Variants in PTPRN2 observed in about 807,000 individuals in gnomAD.
The protein encoded by PTPRN2 is receptor-type tyrosine-protein phosphatase N2.
A neutral mutation model predicts 118.8 loss-of-function variants in PTPRN2; 74 were observed. That is an observed-to-expected ratio of 0.62 (90% CI 0.52 to 0.76). The LOEUF (loss-of-function observed/expected upper bound fraction) is 0.76. Among genes scored for constraint, PTPRN2 ranks in the 30% least tolerant of loss-of-function variants. The pLI, the probability that PTPRN2 is intolerant of heterozygous loss-of-function variation, is 0.00. For missense variants in PTPRN2, 1,481 were observed against 1,394.4 expected (o/e 1.06, Z -0.99); for synonymous variants, 641 against 608.0 (o/e 1.05, Z -0.80).
Position 157,763,110 on chromosome 7 carries a change from G to A in PTPRN2, c.1789-80173C>T, listed in dbSNP as rs115550848. ...CACAGAGCTAACCATCAGAGCCCAC[G>A]GCCGCCCACTCATGGTCGGTCACAG... On this transcript the variant is annotated intron_variant, in intron 12 of 22. Coordinates refer to ENST00000389418, the MANE Select transcript of PTPRN2 (RefSeq NM_002847.5). The surrounding 1 kb of genome is among the most constrained non-coding windows in gnomAD (Gnocchi z 4.9). 0.027 allele frequency among the ~76,000 whole-genome samples: 3,572 copies of A among 130,854 alleles called. 77 individuals carry two copies. The highest frequency in any genetic ancestry group is 0.065 in the African/African-American group (2,135 of 32,788). 85.8% of individuals were successfully genotyped at this position (130,854 alleles called of 152,430 possible). A position where few individuals can be genotyped will look rare whatever the true frequency, so the allele number is the denominator to read the frequency against.
chr7:158,083,211 A>G (rs2335486), intron 10 of PTPRN2, among the ~76,000 whole-genome samples: 126,646 of 152,126 alleles, frequency 0.83, 53,284 homozygotes, highest in East Asian at 1. Flanking sequence ...GGCTCTTTGA[A>G]GCATGCATGA....
chr7:157,550,373 C>CGGGGAGGCCT lies in PTPRN2; in HGVS notation c.2903-1364_2903-1355dup, dbSNP rs1420809141. Among the ~76,000 whole-genome samples the CGGGGAGGCCT allele has an allele frequency of 3.2e-4, 49 of 152,216 alleles. No homozygotes were observed. The highest frequency in any genetic ancestry group is 6.6e-4 in the Non-Finnish European group (45 of 68,002). On this transcript the variant is annotated intron_variant, in intron 21 of 22. Coordinates refer to ENST00000389418, the MANE Select transcript of PTPRN2 (RefSeq NM_002847.5). This position sits in a 1 kb window ranked among gnomAD's most constrained non-coding sequence, Gnocchi z 5.2. The stretch of plus-strand genomic sequence containing the variant: ...AGCTAGGAGGGAACGGCAGGGGTGG[C>CGGGGAGGCCT]GGGGAGGCCTGGGGAGGACACACGT...
At chr7:157,911,299 T>C (rs1798093492) in intron 11 of PTPRN2, among the ~76,000 whole-genome samples, 2 of 152,058 alleles carry the variant, frequency 1.3e-5, no homozygotes, top group Admixed American at 1.3e-4. Context: ...CCCTTAGAGA[T>C]TTACCACGAT....
At chr7:158,136,057 G>A (rs1349344737) in intron 8 of PTPRN2, among the ~76,000 whole-genome samples, 4 of 152,230 alleles carry the variant, frequency 2.6e-5, no homozygotes, top group Non-Finnish European at 5.9e-5. Flanking sequence ...TCTTCTGACT[G>A]CCTCCGGAGC....
At position 157,869,264 on chromosome 7, in the gene PTPRN2, A is replaced by G. The variant is rs1231178522; in HGVS notation, c.1788+29409T>C. ...GGTAGGGCCTTGGAGGCCTGCTGGG[A>G]GGTCTGTGGACTCCAGGCCGCTCAC... On this transcript the variant is annotated intron_variant, in intron 12 of 22. Transcript: ENST00000389418. This position sits in a 1 kb window ranked among gnomAD's most constrained non-coding sequence, Gnocchi z 4.2. 6.6e-6 allele frequency: 1 copy of G among 152,146 alleles called. No individual in the cohort carries two copies. The highest frequency in any genetic ancestry group is 1.5e-5 in the Non-Finnish European group (1 of 68,020). 9.4% of individuals were successfully genotyped at this position (152,146 alleles called of 1,614,324 possible).
intron 15 of PTPRN2, among the ~76,000 whole-genome samples, chr7:157,612,368 A>G (rs1802409699): frequency 6.6e-6 from 1 of 152,190 alleles, no homozygotes; most frequent in South Asian, 2.1e-4. Context: ...CTGATGACGA[A>G]TCTCGTCTGT....
intron 5 of PTPRN2, among the ~76,000 whole-genome samples, chr7:158,167,767 T>G (rs1823165136): frequency 6.6e-6 from 1 of 152,228 alleles, no homozygotes; most frequent in East Asian, 1.9e-4. Flanking sequence ...GTGGCATCTG[T>G]GCCTGGCTCA....
intron 1 of PTPRN2, among the ~76,000 whole-genome samples, chr7:158,501,523 G>A (rs1822361053): frequency 6.6e-6 from 1 of 152,180 alleles, no homozygotes. Context: ...CTGCCTTCTT[G>A]TGAATCTTCC....
chr7:157,911,231 A>G (rs905676366), intron 11 of PTPRN2, among the ~76,000 whole-genome samples: 2 of 152,208 alleles, frequency 1.3e-5, no homozygotes, highest in African/African-American at 4.8e-5. Context: ...CCCCATGGAG[A>G]AACGTCTGCA....
intron 11 of PTPRN2, among the ~76,000 whole-genome samples, chr7:157,911,729 A>G (rs927323743): frequency 3.9e-5 from 6 of 152,236 alleles, no homozygotes; most frequent in African/African-American, 1.4e-4. Flanking sequence ...ATCAAAGCTA[A>G]TAACTTTCAT....
intron 2 of PTPRN2, among the ~76,000 whole-genome samples, chr7:158,418,219 A>G (rs1022507676): frequency 6.0e-5 from 9 of 149,732 alleles, no homozygotes; most frequent in African/African-American, 2.2e-4. Flanking sequence ...GGTGTACTAC[A>G]TCGAGATGCT....
chr7:158,471,993 CCGCCACGGTTCCGGCCT>C (rs1323478921), intron 2 of PTPRN2, among the ~76,000 whole-genome samples: 2 of 151,878 alleles, frequency 1.3e-5, no homozygotes, highest in African/African-American at 2.4e-5. Context: ...GGTTCCGGCC[CCGCCACGGTTCCGGCCT>C]CGCCACGGTT....
chr7:158,416,144 G>A (rs1402481802), intron 2 of PTPRN2, among the ~76,000 whole-genome samples: 1 of 152,182 alleles, frequency 6.6e-6, no homozygotes, highest in Non-Finnish European at 1.5e-5. Flanking sequence ...TTCCACACAG[G>A]TGCCTTCCCT....
chr7:157,679,677 C>T (rs1317779204), intron 13 of PTPRN2, among the ~76,000 whole-genome samples: 1 of 152,116 alleles, frequency 6.6e-6, no homozygotes, highest in Non-Finnish European at 1.5e-5. Context: ...CCTGTGGTCC[C>T]AAGCCCAGGC....
Position 157,567,250 on chromosome 7 carries a change from C to CA in PTPRN2, c.2902+1651dup, listed in dbSNP as rs528338993. Reference sequence around the variant, plus strand: ...AGGATTGTGTCATGTCCAAAACAAACAAAAAAAGGATTAAAAATATTATGA... The same window carrying CA: ...AGGATTGTGTCATGTCCAAAACAAACAAAAAAAAGGATTAAAAATATTATGA... On this transcript the variant is annotated intron_variant, in intron 21 of 22. Coordinates refer to ENST00000389418, the MANE Select transcript of PTPRN2 (RefSeq NM_002847.5). Among the ~76,000 whole-genome samples the CA allele has an allele frequency of 7.9e-5, 12 of 152,152 alleles. No individual in the cohort carries two copies. The East Asian group carries it at 2.1e-3, about 27-fold the overall frequency.
rs373782709 is a variant in PTPRN2 at position 157,596,053 on chromosome 7, C to T, written c.2419-738G>A. On this transcript the variant is annotated intron_variant, in intron 16 of 22. Transcript: ENST00000389418. This position sits in a 1 kb window ranked among gnomAD's most constrained non-coding sequence, Gnocchi z 4.2. ...CCAGGCTGCCCTGTGTTCAGGAGAA[C>T]GAGCCTCTTGCTAGAGCCACAGGGC... Among the ~76,000 whole-genome samples, 7 of 152,322 alleles carry T rather than the reference C, an allele frequency of 4.6e-5. No individual in the cohort carries two copies. In the East Asian group the frequency reaches 9.7e-4, roughly 21 times the overall value.
chr7:158,411,725 G>A (rs73731222), intron 2 of PTPRN2, among the ~76,000 whole-genome samples: 2,246 of 152,320 alleles, frequency 0.015, 31 homozygotes, highest in Middle Eastern at 0.027. Flanking sequence ...ACTCACACCC[G>A]CCTCAGATGG....
intron 2 of PTPRN2, among the ~76,000 whole-genome samples, chr7:158,364,543 C>G (rs892360446): frequency 6.6e-6 from 1 of 152,214 alleles, no homozygotes; most frequent in African/African-American, 2.4e-5. Flanking sequence ...AGCAAAGAGA[C>G]AGTCACATGT....
chr7:157,911,714 G>A (rs980118864), intron 11 of PTPRN2, among the ~76,000 whole-genome samples: 3 of 152,122 alleles, frequency 2.0e-5, no homozygotes, highest in Admixed American at 6.5e-5. Context: ...GCTCTTCTCG[G>A]TCCTATCAAA....
Sources: allele counts gnomAD v4.1 joint callset (sites outside exome capture counted in the v4.1 genomes callset), GRCh38; gene constraint gnomAD v4.1.1; non-coding constraint Gnocchi (gnomAD v3.1); transcripts MANE v1.5; gene names NCBI Gene and HGNC (gene_info 2026-07-23, HGNC 2026-07-21).